Variants in LYPD1 observed in about 807,000 individuals in gnomAD.
LYPD1 encodes ly6/PLAUR domain-containing protein 1.
Under a neutral mutation model 14.2 loss-of-function variants are expected in LYPD1, and 14 were observed. The observed-to-expected ratio is 0.99, with a 90% CI of 0.65 to 1.54. The LOEUF is 1.54. Ranked by LOEUF, LYPD1 falls within the 40% of genes most tolerant of loss-of-function variation. The pLI is 0.00. For synonymous variants in LYPD1, 85 were observed against 70.6 expected, an observed-to-expected ratio of 1.20 and a Z score of -1.02; for missense variants, 165 against 175.7, an observed-to-expected ratio of 0.94 and a Z score of 0.34.
chr2:132,645,529 G>GAGTC lies in LYPD1; in HGVS notation c.*512_*515dup. ...GTCTAAGTCCCAGTCATTGAGTCTC[G>GAGTC]AGTCACTAGAGCCCAACTCAGGCGC... is the stretch of plus-strand genomic sequence containing the variant. On this transcript the variant is annotated 3_prime_UTR_variant, in exon 3 of 3. Coordinates refer to ENST00000397463, the MANE Select transcript of LYPD1 (RefSeq NM_144586.7). 6.2e-7 allele frequency: 1 copy of GAGTC among 1,614,174 alleles called. No homozygotes were observed. The highest frequency in any genetic ancestry group is 8.5e-7 in the Non-Finnish European group (1 of 1,180,024).
Position 132,645,402 on chromosome 2 carries a change from CTTTGTGCAGCGCCCGT to C in LYPD1, c.*627_*642del, listed in dbSNP as rs769954039. On this transcript the variant is annotated 3_prime_UTR_variant, in exon 3 of 3. Coordinates refer to ENST00000397463, the MANE Select transcript of LYPD1 (RefSeq NM_144586.7). Reference sequence around the variant, plus strand: ...CGCACTCCACCACCGACAGCGCCCGCTTTGTGCAGCGCCCGTTGCTCTTCGCGTCCCGGCGCCAGTC... The same window carrying C: ...CGCACTCCACCACCGACAGCGCCCGCTGCTCTTCGCGTCCCGGCGCCAGTC... 4.3e-6 allele frequency: 7 copies of C among 1,613,704 alleles called. No individual in the cohort carries two copies. The highest frequency in any genetic ancestry group is 2.2e-5 in the South Asian group (2 of 91,066).
intron 2 of LYPD1, among the ~76,000 whole-genome samples, chr2:132,655,514 A>ATTTTTTTT (rs1180944589): frequency 0.35 from 34,264 of 98,138 alleles, 7,586 homozygotes; most frequent in East Asian, 0.52. Flanking sequence ...GTTGAGAAGC[A>ATTTTTTTT]TTTTTTTTTT....
Position 132,644,860 on chromosome 2 carries a change from CTAAAGCATT to C in LYPD1, c.*1176_*1184del. 1.8e-6 allele frequency: 1 copy of C among 555,376 alleles called. No homozygotes were observed. The highest frequency in any genetic ancestry group is 3.2e-6 in the Non-Finnish European group (1 of 315,096). The allele number at this position is 555,376 out of a possible 1,614,324, so 34.4% of individuals were successfully genotyped here. A position where few individuals can be genotyped will look rare whatever the true frequency, so the allele number is the denominator to read the frequency against. On this transcript the variant is annotated 3_prime_UTR_variant, in exon 3 of 3. Transcript: ENST00000397463. ...ACATCAACTGGTATAAATACACTGT[CTAAAGCATT>C]TAATGGTCTTTCTTTAACACAGCCA...
At chr2:132,660,910 C>T (rs1222247214) in intron 2 of LYPD1, among the ~76,000 whole-genome samples, 1 of 151,058 alleles carries the variant, frequency 6.6e-6, no homozygotes, top group African/African-American at 2.5e-5. Flanking sequence ...CATCTGATCT[C>T]TTTAACCAAA....
Position 132,646,255 on chromosome 2 carries a change from T to G in LYPD1, c.216A>C (p.Ala72=). 1 of 1,566,810 alleles carries G rather than the reference T, an allele frequency of 6.4e-7. No homozygotes were observed. The highest frequency in any genetic ancestry group is 8.7e-7 in the Non-Finnish European group (1 of 1,153,426). Residue 72 remains alanine, a synonymous_variant, in exon 3 of 3, where the codon GCA becomes GCC. Transcript: ENST00000397463. ...AGGCGATGAGACAGGCCGCTGATGA[T>G]GCACAGGACTTGCGGTACATGATCC... is the stretch of plus-strand genomic sequence containing the variant. ...SAGIMYRKSC[A]SSAACLIASA...
chr2:132,645,450 A>G lies in LYPD1; in HGVS notation c.*595T>C. 1.2e-6 allele frequency: 2 copies of G among 1,613,798 alleles called. No individual in the cohort carries two copies. The highest frequency in any genetic ancestry group is 1.7e-6 in the Non-Finnish European group (2 of 1,180,028). ...TCGCGTCCCGGCGCCAGTCCTCTGC[A>G]AGGAGAACTGAGAAGATTTTCTTAA... On this transcript the variant is annotated 3_prime_UTR_variant, in exon 3 of 3. Coordinates refer to ENST00000397463, the MANE Select transcript of LYPD1 (RefSeq NM_144586.7).
At chr2:132,670,450 G>C (rs942134960), upstream of LYPD1, among the ~76,000 whole-genome samples, 1 of 152,158 alleles carries the variant, frequency 6.6e-6, no homozygotes, top group African/African-American at 2.4e-5. The surrounding 1 kb of genome is among the most constrained non-coding windows in gnomAD (Gnocchi z 4.5). Context: ...TTGGGGGAGC[G>C]GCGAGGAGGG....
At position 132,665,342 on chromosome 2, in the gene LYPD1, C is replaced by G. The variant is rs535571329; in HGVS notation, c.190+3058G>C. On this transcript the variant is annotated intron_variant, in intron 2 of 2. Coordinates refer to ENST00000397463, the MANE Select transcript of LYPD1 (RefSeq NM_144586.7). ...GCTTAGTTCATTAAATTTTCTTAGT[C>G]GATTTAAAGCCCTGGTTTTTCCACA... Among the ~76,000 whole-genome samples the G allele has an allele frequency of 6.6e-5, 10 of 152,226 alleles. No homozygotes were observed. In the East Asian group the frequency reaches 1.7e-3, roughly 26 times the overall value.
At chr2:132,650,337 A>C (rs1682307252) in intron 2 of LYPD1, among the ~76,000 whole-genome samples, 1 of 152,220 alleles carries the variant, frequency 6.6e-6, no homozygotes, top group African/African-American at 2.4e-5. Flanking sequence ...TCTTATAAAA[A>C]GGCCCTTTCC....
chr2:132,658,841 G>A (rs1319628715), intron 2 of LYPD1, among the ~76,000 whole-genome samples: 2 of 152,194 alleles, frequency 1.3e-5, no homozygotes, highest in Non-Finnish European at 2.9e-5. Context: ...CTTCCCAAGG[G>A]AGAGCTGATG....
At chr2:132,650,689 T>C (rs1682326767) in intron 2 of LYPD1, among the ~76,000 whole-genome samples, 1 of 148,578 alleles carries the variant, frequency 6.7e-6, no homozygotes, top group African/African-American at 2.5e-5. Context: ...CTTCCTTTTC[T>C]CTCCCTCCCT....
At chr2:132,650,722 A>C (rs1232791207) in intron 2 of LYPD1, among the ~76,000 whole-genome samples, 1 of 104,538 alleles carries the variant, frequency 9.6e-6, no homozygotes, top group Non-Finnish European at 2.0e-5. Context: ...CTTTAAAAAA[A>C]AAAAACAAAA....
At chr2:132,670,379 G>A (rs945653970), upstream of LYPD1, among the ~76,000 whole-genome samples, 5 of 152,028 alleles carry the variant, frequency 3.3e-5, no homozygotes, top group Non-Finnish European at 7.4e-5. This position sits in a 1 kb window ranked among gnomAD's most constrained non-coding sequence, Gnocchi z 4.5. Flanking sequence ...GCCTCCGCAC[G>A]TTCCTGGGAA....
In LYPD1 at chr2:132,645,640, C is replaced by A. The variant is rs1242271704; in HGVS notation, c.*405G>T. ...CGAGGGAGCCTTGAGTGGGAACTGG[C>A]CCTCCAGCCCTAAGAAAACGTCACT... On this transcript the variant is annotated 3_prime_UTR_variant, in exon 3 of 3. Coordinates refer to ENST00000397463, the MANE Select transcript of LYPD1 (RefSeq NM_144586.7). 1 of 1,578,936 alleles carries A rather than the reference C, an allele frequency of 6.3e-7. No individual in the cohort carries two copies. Among genetic ancestry groups the A allele is most frequent in the Non-Finnish European group, 8.6e-7 (1 of 1,164,218 alleles).
intron 2 of LYPD1, chr2:132,646,608 ATTTAC>A (rs1443565236): frequency 8.9e-6 from 2 of 225,322 alleles, no homozygotes; most frequent in Non-Finnish European, 8.6e-6. Flanking sequence ...ACAGCTTTTT[ATTTAC>A]TTTGTTTTTG....
chr2:132,654,679 C>T (rs2709526), intron 2 of LYPD1, among the ~76,000 whole-genome samples: 70,843 of 151,912 alleles, frequency 0.47, 18,814 homozygotes, highest in East Asian at 0.67. Flanking sequence ...TCTTCAGTCT[C>T]AACATCCATC....
Position 132,669,392 on chromosome 2 carries a change from G to A in LYPD1, c.52+489C>T, listed in dbSNP as rs1573765935. Among the ~76,000 whole-genome samples, 4 of 151,878 alleles carry A rather than the reference G, an allele frequency of 2.6e-5. No homozygotes were observed. In the South Asian group the frequency reaches 6.3e-4, roughly 24 times the overall value. The stretch of plus-strand genomic sequence containing the variant: ...GGCTGTTCTCGGTGTACGCGCTCCT[G>A]TCTAGACCCAACTACCCACGCTCCC... On this transcript the variant is annotated intron_variant, in intron 1 of 2. Coordinates refer to ENST00000397463, the MANE Select transcript of LYPD1 (RefSeq NM_144586.7). The surrounding 1 kb of genome is among the most constrained non-coding windows in gnomAD (Gnocchi z 4.3).
chr2:132,655,970 A>G (rs548138133), intron 2 of LYPD1, among the ~76,000 whole-genome samples: 1 of 152,244 alleles, frequency 6.6e-6, no homozygotes, highest in South Asian at 2.1e-4. Flanking sequence ...CCACTCCCCT[A>G]CAGATGTACA....
At position 132,670,065 on chromosome 2, in the gene LYPD1, C is replaced by G. The variant is rs769855887; in HGVS notation, c.-133G>C. On this transcript the variant is annotated 5_prime_UTR_variant, in exon 1 of 3. Coordinates refer to ENST00000397463, the MANE Select transcript of LYPD1 (RefSeq NM_144586.7). The surrounding 1 kb of genome is among the most constrained non-coding windows in gnomAD (Gnocchi z 4.5). ...GCGCTGCTGCCGCGGAGACGACGGT[C>G]GTAGCTTAGAGGAGCCGCAGGTGCC... The G allele has an allele frequency of 5.9e-6, 9 of 1,519,440 alleles. No individual in the cohort carries two copies. The highest frequency in any genetic ancestry group is 1.4e-5 in the African/African-American group (1 of 70,838). The allele number at this position is 1,519,440 out of a possible 1,614,324, so 94.1% of individuals were successfully genotyped here.
Sources: gnomAD v4.1 joint callset for allele counts (sites outside exome capture counted in the v4.1 genomes callset) on GRCh38, gnomAD v4.1.1 for gene constraint, Gnocchi (gnomAD v3.1) non-coding constraint, MANE v1.5 for transcripts, NCBI Gene and HGNC (gene_info 2026-07-23, HGNC 2026-07-21) for gene names.